The following ANKRD17 variants were observed in gnomAD, a reference collection of about 807,000 sequenced individuals.
The protein encoded by ANKRD17 is ankyrin repeat domain 17, also known as ankyrin repeat domain-containing protein 17.
ANKRD17 carries 19 observed loss-of-function variants against 229.7 expected under a neutral mutation model. That is an observed-to-expected ratio of 0.08 (90% CI 0.06 to 0.12). The LOEUF is 0.12. ANKRD17 is among the 10% of genes least tolerant of loss of function. The pLI is 1.00. For missense variants in ANKRD17, 2,176 were observed against 3,176.8 expected (o/e 0.68, Z 7.57); for synonymous variants, 1,112 against 1,146.1 (o/e 0.97, Z 0.60).
intron 14 of ANKRD17, among the ~76,000 whole-genome samples, chr4:73,141,082 T>A (rs1255337519): frequency 6.6e-6 from 1 of 152,222 alleles, no homozygotes; most frequent in African/African-American, 2.4e-5. Context: ...CTTAGCATTC[T>A]TGTTCATAAA....
At chr4:73,179,519 T>TATATATATATATATA (rs1491097354) in intron 1 of ANKRD17, among the ~76,000 whole-genome samples, 1 of 35,968 alleles carries the variant, frequency 2.8e-5, no homozygotes, top group African/African-American at 9.5e-5. Flanking sequence ...TATATATATA[T>TATATATATATATATA]TTTTTTTTTT....
At chr4:73,151,705 T>C (rs1356711765) in intron 6 of ANKRD17, among the ~76,000 whole-genome samples, 181 bp from the exon 7 acceptor site, 2 of 152,216 alleles carry the variant, frequency 1.3e-5, no homozygotes, top group East Asian at 1.9e-4. Flanking sequence ...CTTGCTGTTC[T>C]ACCCCTTACC....
intron 1 of ANKRD17, among the ~76,000 whole-genome samples, chr4:73,199,126 A>C (rs1738288709): frequency 6.6e-6 from 1 of 152,002 alleles, no homozygotes; most frequent in Admixed American, 6.6e-5. Flanking sequence ...CAATCATGTT[A>C]CTGTTATAAA....
At chr4:73,149,705 A>G (rs1484037361) in intron 7 of ANKRD17, among the ~76,000 whole-genome samples, 1 of 151,998 alleles carries the variant, frequency 6.6e-6, no homozygotes, top group African/African-American at 2.4e-5. Flanking sequence ...CATTTCTACA[A>G]AAAATACAAA....
In ANKRD17 at chr4:73,258,259, T is replaced by C. The variant is rs1745657521; in HGVS notation, c.393+17A>G. ...ACAGTCCCTTCCTCCCTCCTTCCTT[T>C]GAAACCAGGCCCTTGCCTCAGAAAC... On this transcript the variant is annotated intron_variant, in intron 1 of 33. Coordinates refer to ENST00000358602, the MANE Select transcript of ANKRD17 (RefSeq NM_032217.5). The C allele has an allele frequency of 6.2e-7, 1 of 1,613,510 alleles. No homozygotes were observed.
In ANKRD17 at chr4:73,217,644, G is replaced by A. The variant is rs548805048; in HGVS notation, c.394-40111C>T. On this transcript the variant is annotated intron_variant, in intron 1 of 33. Coordinates refer to ENST00000358602, the MANE Select transcript of ANKRD17 (RefSeq NM_032217.5). ...CCCGAATTGCTGTGATTACAGGCAC[G>A]AGCCACTCACTGCACCTAGCCAAAG... Among the ~76,000 whole-genome samples the A allele has an allele frequency of 1.2e-3, 184 of 152,110 alleles. 1 individual carries two copies. The highest frequency in any genetic ancestry group is 4.0e-3 in the African/African-American group (166 of 41,490).
chr4:73,152,362 C>T (rs932057503), intron 6 of ANKRD17, among the ~76,000 whole-genome samples: 1 of 152,090 alleles, frequency 6.6e-6, no homozygotes, highest in African/African-American at 2.4e-5. Context: ...TACCTACCAT[C>T]CCTTTTCCTC....
In ANKRD17 at chr4:73,140,171, T is replaced by C. The variant is rs1729426548; in HGVS notation, c.2445A>G (p.Leu815=). 6.2e-7 allele frequency: 1 copy of C among 1,614,084 alleles called. No individual in the cohort carries two copies. The highest frequency in any genetic ancestry group is 1.1e-5 in the South Asian group (1 of 91,090). ...ESIVEEAQGK[L]TELEQRIKEA... ...CTTTTATCCTCTGTTCCAGTTCTGTTAACTTTCCCTGAGCCTCTTCTACAA... is the reference window on the plus strand; with the variant it reads ...CTTTTATCCTCTGTTCCAGTTCTGTCAACTTTCCCTGAGCCTCTTCTACAA... Residue 815 remains leucine, a synonymous_variant, in exon 15 of 34, where the codon TTA becomes TTG. Coordinates refer to ENST00000358602, the MANE Select transcript of ANKRD17 (RefSeq NM_032217.5).
chr4:73,078,494 C>T, intron 31 of ANKRD17, 148 bp downstream of exon 31: 1 of 913,388 alleles, frequency 1.1e-6, no homozygotes, highest in Non-Finnish European at 1.6e-6. Flanking sequence ...ACCAAGATCA[C>T]CCCATTGCAC....
chr4:73,197,353 ACAC>A (rs1458528957), intron 1 of ANKRD17, among the ~76,000 whole-genome samples: 3 of 152,228 alleles, frequency 2.0e-5, no homozygotes, highest in Admixed American at 2.0e-4. Flanking sequence ...AATCTGTAAA[ACAC>A]CACATTAAAA....
At chr4:73,225,212 C>T (rs987952796) in intron 1 of ANKRD17, among the ~76,000 whole-genome samples, 2 of 152,134 alleles carry the variant, frequency 1.3e-5, no homozygotes, top group African/African-American at 2.4e-5. Context: ...TAAAACAAGT[C>T]GTCAACAAAG....
chr4:73,088,154 G>C (rs1722395902), intron 29 of ANKRD17, among the ~76,000 whole-genome samples: 1 of 152,122 alleles, frequency 6.6e-6, no homozygotes, highest in Non-Finnish European at 1.5e-5. Context: ...AAACAGATCT[G>C]AGTCTAAAAT....
rs139298708 is a variant in ANKRD17 at position 73,105,958 on chromosome 4, C to T, written c.4402-3411G>A. Among the ~76,000 whole-genome samples, 7 of 152,244 alleles carry T rather than the reference C, an allele frequency of 4.6e-5. No individual in the cohort carries two copies. In the East Asian group the frequency reaches 1.4e-3, roughly 29 times the overall value. ...CCCAGACAGCATATGGAAAGAGTAA[C>T]TAAACCATGAAGATTCAAATACGTC... is the stretch of plus-strand genomic sequence containing the variant. On this transcript the variant is annotated intron_variant, in intron 24 of 33. Coordinates refer to ENST00000358602, the MANE Select transcript of ANKRD17 (RefSeq NM_032217.5).
chr4:73,117,989 T>C (rs771502009), intron 22 of ANKRD17, among the ~76,000 whole-genome samples: 8 of 152,192 alleles, frequency 5.3e-5, no homozygotes, highest in Non-Finnish European at 1.0e-4. Context: ...AATTCATTTT[T>C]TTTCCTAGTA....
intron 28 of ANKRD17, among the ~76,000 whole-genome samples, chr4:73,092,969 A>T (rs1312121496): frequency 6.6e-6 from 1 of 152,208 alleles, no homozygotes; most frequent in Non-Finnish European, 1.5e-5. Context: ...TGGAAACTCA[A>T]GGGAGCAATT....
At chr4:73,125,745 A>AAAAAAAAAAAAAAAAG (rs556235831) in intron 16 of ANKRD17, among the ~76,000 whole-genome samples, 2 of 144,416 alleles carry the variant, frequency 1.4e-5, no homozygotes, top group Non-Finnish European at 3.0e-5. Flanking sequence ...AAAAAAAAAA[A>AAAAAAAAAAAAAAAAG]AAAAGAAAAG....
intron 1 of ANKRD17, among the ~76,000 whole-genome samples, chr4:73,230,667 A>T (rs951854508): frequency 5.9e-5 from 9 of 152,208 alleles, no homozygotes; most frequent in Non-Finnish European, 1.3e-4. Flanking sequence ...ACAGAAGAGA[A>T]TTATATTAGA....
chr4:73,205,554 A>C (rs1739330738), intron 1 of ANKRD17, among the ~76,000 whole-genome samples: 3 of 152,178 alleles, frequency 2.0e-5, no homozygotes, highest in African/African-American at 7.2e-5. Context: ...AAAAAATGCA[A>C]TTACATCCTA....
chr4:73,215,920 G>C (rs1334703524), intron 1 of ANKRD17, among the ~76,000 whole-genome samples: 2 of 152,140 alleles, frequency 1.3e-5, no homozygotes, highest in Non-Finnish European at 2.9e-5. Context: ...CAGCAGATAT[G>C]ATGGGCATGG....
Sources: allele counts gnomAD v4.1 joint callset (sites outside exome capture counted in the v4.1 genomes callset), GRCh38; gene constraint gnomAD v4.1.1; transcripts MANE v1.5; gene names NCBI Gene and HGNC (gene_info 2026-07-23, HGNC 2026-07-21).